The following BABAM2 variants were observed in gnomAD, a reference collection of about 807,000 sequenced individuals.
BABAM2 encodes the protein BRISC and BRCA1-A complex member 2.
In BABAM2, 31 loss-of-function variants were observed where a neutral mutation model predicts 54.7. That is an observed-to-expected ratio of 0.57 (90% CI 0.43 to 0.77). The LOEUF is 0.77. BABAM2 is among the 30% of genes least tolerant of loss of function. The pLI, the probability that BABAM2 is intolerant of heterozygous loss-of-function variation, is 0.00. For synonymous variants in BABAM2, 167 were observed against 162.9 expected (o/e 1.03, Z -0.19); for missense variants, 364 against 455.8 (o/e 0.80, Z 1.83).
At chr2:28,047,469 T>G (rs891656427) in intron 6 of BABAM2, among the ~76,000 whole-genome samples, 1 of 152,224 alleles carries the variant, frequency 6.6e-6, no homozygotes, top group Non-Finnish European at 1.5e-5. Flanking sequence ...TACTGTGCCT[T>G]ATCAGTTTCA....
At chr2:28,290,055 C>T (rs775760169) in intron 10 of BABAM2, among the ~76,000 whole-genome samples, 2 of 152,092 alleles carry the variant, frequency 1.3e-5, no homozygotes, top group Non-Finnish European at 1.5e-5. Context: ...AATGTGTGCA[C>T]GTTTTTGATC....
intron 10 of BABAM2, among the ~76,000 whole-genome samples, chr2:28,250,589 T>TTC (rs929541619): frequency 3.4e-5 from 5 of 148,910 alleles, no homozygotes; most frequent in African/African-American, 1.2e-4. Flanking sequence ...TTTTTCTTTT[T>TTC]TTTTTGTTTG....
In BABAM2 at chr2:27,935,977, G is replaced by A. The variant is rs146068756; in HGVS notation, c.205+6069G>A. The stretch of plus-strand genomic sequence containing the variant: ...TCTGTCTCCCAGGCTGAAGTGCAGT[G>A]GTGCGATCTTAGCTCACTACAACTT... On this transcript the variant is annotated intron_variant, in intron 3 of 11. Transcript: ENST00000379624. 6.1e-3 allele frequency among the ~76,000 whole-genome samples: 931 copies of A among 152,248 alleles called. 13 individuals carry two copies. The highest frequency in any genetic ancestry group is 0.021 in the African/African-American group (886 of 41,532).
At chr2:27,989,970 TGATATTA>T (rs1328602978) in intron 4 of BABAM2, among the ~76,000 whole-genome samples, 1 of 152,180 alleles carries the variant, frequency 6.6e-6, no homozygotes, top group Non-Finnish European at 1.5e-5. Flanking sequence ...GTGTCAGACC[TGATATTA>T]TAACACCACT....
intron 6 of BABAM2, among the ~76,000 whole-genome samples, chr2:28,127,370 G>A (rs911805925): frequency 3.3e-5 from 5 of 152,126 alleles, no homozygotes; most frequent in Admixed American, 6.6e-5. Context: ...TGTGTTTAGT[G>A]GTTACCCTTA....
At chr2:27,996,759 A>G (rs1214298280) in intron 4 of BABAM2, among the ~76,000 whole-genome samples, 2 of 152,014 alleles carry the variant, frequency 1.3e-5, no homozygotes, top group Non-Finnish European at 2.9e-5. Context: ...AAATTTGCAA[A>G]TGTCCCCAGG....
At chr2:27,969,690 G>A (rs933748790) in intron 3 of BABAM2, among the ~76,000 whole-genome samples, 6 of 152,268 alleles carry the variant, frequency 3.9e-5, no homozygotes, top group Middle Eastern at 3.4e-3. Context: ...GCTCGGGACG[G>A]GGGAGGAGGT....
intron 4 of BABAM2, among the ~76,000 whole-genome samples, chr2:28,000,696 T>A (rs1331992436): frequency 6.6e-6 from 1 of 152,176 alleles, no homozygotes; most frequent in Non-Finnish European, 1.5e-5. Context: ...TTCTCTCCAT[T>A]TATTAATTTA....
chr2:28,023,178 G>A (rs1285817212), intron 4 of BABAM2, among the ~76,000 whole-genome samples: 6 of 152,164 alleles, frequency 3.9e-5, no homozygotes, highest in Non-Finnish European at 2.9e-5. Flanking sequence ...AGTTGGTAAG[G>A]TATGTTGCCA....
chr2:27,939,946 T>C (rs1668752584), intron 3 of BABAM2, among the ~76,000 whole-genome samples: 1 of 152,214 alleles, frequency 6.6e-6, no homozygotes, highest in Admixed American at 6.5e-5. Context: ...AGGAATGATA[T>C]TATTGTTTCC....
chr2:28,212,181 T>C (rs184655353), intron 7 of BABAM2, among the ~76,000 whole-genome samples: 3 of 152,344 alleles, frequency 2.0e-5, no homozygotes, highest in Admixed American at 1.3e-4. Flanking sequence ...GCTTGAGATA[T>C]TTGCAAATTA....
At chr2:27,890,299 G>A, upstream of BABAM2, 3 of 1,613,728 alleles carry the variant, frequency 1.9e-6, no homozygotes, top group South Asian at 1.1e-5. This position sits in a 1 kb window ranked among gnomAD's most constrained non-coding sequence, Gnocchi z 4.8. Flanking sequence ...TACCACCGCC[G>A]CCACCTCCTC....
At chr2:28,228,894 T>C (rs1197437650) in intron 7 of BABAM2, among the ~76,000 whole-genome samples, 2 of 152,228 alleles carry the variant, frequency 1.3e-5, no homozygotes, top group Non-Finnish European at 2.9e-5. Flanking sequence ...AAAACACATT[T>C]CTGAACAAAG....
chr2:28,006,333 G>A (rs1201311200), intron 4 of BABAM2, among the ~76,000 whole-genome samples: 2 of 151,676 alleles, frequency 1.3e-5, no homozygotes, highest in African/African-American at 4.8e-5. Context: ...CTACCATCCT[G>A]GTTTCTAAAT....
chr2:28,305,269 G>A (rs904679517), intron 11 of BABAM2, among the ~76,000 whole-genome samples: 6 of 152,100 alleles, frequency 3.9e-5, no homozygotes, highest in Non-Finnish European at 8.8e-5. Context: ...GAATTCCATA[G>A]ATTGCTTTTT....
At chr2:28,241,735 C>T (rs995573020) in intron 9 of BABAM2, among the ~76,000 whole-genome samples, 3 of 152,050 alleles carry the variant, frequency 2.0e-5, no homozygotes, top group African/African-American at 7.2e-5. Flanking sequence ...CCTTGTGATC[C>T]GCCCACCTTG....
At chr2:27,932,195 T>A (rs1668145007) in intron 3 of BABAM2, among the ~76,000 whole-genome samples, 1 of 152,158 alleles carries the variant, frequency 6.6e-6, no homozygotes, top group Non-Finnish European at 1.5e-5. Context: ...ACCCTTCTGT[T>A]TTCCTTTAGC....
chr2:27,905,014 T>G (rs1666090421), intron 2 of BABAM2, among the ~76,000 whole-genome samples: 1 of 152,232 alleles, frequency 6.6e-6, no homozygotes, highest in South Asian at 2.1e-4. Flanking sequence ...TATTACTAGA[T>G]GTTTTATCAT....
chr2:28,019,902 T>G (rs1016419318), intron 4 of BABAM2, among the ~76,000 whole-genome samples: 1 of 152,190 alleles, frequency 6.6e-6, no homozygotes, highest in Non-Finnish European at 1.5e-5. Context: ...TATGGCCTTA[T>G]AGTATAGTTT....
Sources: gnomAD v4.1 joint callset for allele counts (sites outside exome capture counted in the v4.1 genomes callset) on GRCh38, gnomAD v4.1.1 for gene constraint, Gnocchi (gnomAD v3.1) non-coding constraint, MANE v1.5 for transcripts, NCBI Gene and HGNC (gene_info 2026-07-23, HGNC 2026-07-21) for gene names.